The following TMEM117 variants were observed in gnomAD, a reference collection of about 807,000 sequenced individuals.
The protein encoded by TMEM117 is transmembrane protein 117.
TMEM117 carries 27 observed loss-of-function variants against 52.4 expected under a neutral mutation model. That is an observed-to-expected ratio of 0.51 (90% confidence interval 0.38 to 0.71). TMEM117 has a LOEUF of 0.71. Ranked by LOEUF, TMEM117 falls within the 30% of genes least tolerant of loss-of-function variation. TMEM117 has a pLI of 0.00. For synonymous variants in TMEM117, 215 were observed against 206.3 expected (o/e 1.04, Z -0.36); for missense variants, 556 against 630.5 (o/e 0.88, Z 1.26).
At chr12:43,882,817 G>A (rs148179266) in intron 2 of TMEM117, among the ~76,000 whole-genome samples, 143 of 152,300 alleles carry the variant, frequency 9.4e-4, no homozygotes, top group African/African-American at 3.2e-3. Flanking sequence ...TAGACTTTAA[G>A]ATTCTGGAAT....
chr12:44,097,214 A>C (rs1455148091), intron 3 of TMEM117, among the ~76,000 whole-genome samples: 1 of 152,184 alleles, frequency 6.6e-6, no homozygotes, highest in Non-Finnish European at 1.5e-5. Context: ...GTCAGGAAAC[A>C]ACAGGTGCTG....
At chr12:43,927,949 G>A (rs999821209) in intron 2 of TMEM117, among the ~76,000 whole-genome samples, 1 of 151,530 alleles carries the variant, frequency 6.6e-6, no homozygotes, top group Non-Finnish European at 1.5e-5. Context: ...TGTGTTTTCT[G>A]TTAGCACAGC....
At chr12:44,326,190 TTTTGTTTTTTGTTTTTTA>T in intron 6 of TMEM117, among the ~76,000 whole-genome samples, 1 of 151,216 alleles carries the variant, frequency 6.6e-6, no homozygotes, top group African/African-American at 2.5e-5. Context: ...TGTTTTTGTT[TTTTGTTTTTTGTTTTTTA>T]TTTAAAAAAA....
chr12:44,074,819 A>G (rs1947356164), intron 3 of TMEM117, among the ~76,000 whole-genome samples: 2 of 152,180 alleles, frequency 1.3e-5, no homozygotes, highest in East Asian at 3.8e-4. Flanking sequence ...CAACCTTTTC[A>G]TGAGAGGTGA....
intron 4 of TMEM117, 59 bp downstream of exon 4, chr12:44,143,683 T>TCTGTCCAACACTG: frequency 7.9e-7 from 1 of 1,264,506 alleles, no homozygotes; most frequent in Non-Finnish European, 1.1e-6. Context: ...GTTCACAGTG[T>TCTGTCCAACACTG]TGGACAGACA....
intron 3 of TMEM117, among the ~76,000 whole-genome samples, chr12:44,119,038 T>C (rs1051901002): frequency 1.3e-5 from 2 of 152,228 alleles, no homozygotes; most frequent in Non-Finnish European, 2.9e-5. Context: ...TAATTTTTTT[T>C]CAGAAGGCTG....
rs191785577 is a variant in TMEM117 at position 44,334,209 on chromosome 12, A to G, written c.768+34470A>G. Among the ~76,000 whole-genome samples, 3 of 152,180 alleles carry G rather than the reference A, an allele frequency of 2.0e-5. No individual in the cohort carries two copies. The East Asian group carries it at 5.8e-4, about 29-fold the overall frequency. On this transcript the variant is annotated intron_variant, in intron 6 of 7. Transcript: ENST00000266534. ...ATGATTTCAAATCCTATTCATGACA[A>G]AGACTGTCAAGACAAGTAATTATGA...
intron 2 of TMEM117, among the ~76,000 whole-genome samples, chr12:43,904,016 T>G (rs1944345151): frequency 6.6e-6 from 1 of 152,184 alleles, no homozygotes; most frequent in South Asian, 2.1e-4. Context: ...CACAGAGTAT[T>G]GTGTTATAAG....
chr12:44,122,721 A>G (rs752312167), intron 3 of TMEM117, among the ~76,000 whole-genome samples: 2 of 152,092 alleles, frequency 1.3e-5, no homozygotes, highest in African/African-American at 4.8e-5. Flanking sequence ...AGCTCCATCC[A>G]TGTCCCTGCA....
intron 3 of TMEM117, among the ~76,000 whole-genome samples, chr12:44,046,129 G>C (rs1404576271): frequency 6.6e-6 from 1 of 152,248 alleles, no homozygotes; most frequent in Admixed American, 6.5e-5. Context: ...AGTGGAAGTG[G>C]CACCACTCAC....
At chr12:43,980,929 A>G (rs995908359) in intron 3 of TMEM117, among the ~76,000 whole-genome samples, 4 of 152,214 alleles carry the variant, frequency 2.6e-5, no homozygotes, top group Non-Finnish European at 4.4e-5. Context: ...AGTAGAGAGC[A>G]GTCCTGAGTG....
chr12:44,214,138 ATTTTTTTTTTT>A (rs773352634), intron 5 of TMEM117, among the ~76,000 whole-genome samples: 4 of 99,222 alleles, frequency 4.0e-5, no homozygotes, highest in African/African-American at 6.4e-5. Context: ...TTTTTTTTTA[ATTTTTTTTTTT>A]TTTTTTTTTT....
chr12:44,386,939 TG>T (rs1383351875), intron 7 of TMEM117, among the ~76,000 whole-genome samples: 1 of 152,054 alleles, frequency 6.6e-6, no homozygotes, highest in Non-Finnish European at 1.5e-5. Flanking sequence ...CATAATCATA[TG>T]AAGCAGTAAC....
intron 5 of TMEM117, among the ~76,000 whole-genome samples, chr12:44,232,586 A>C (rs573163488): frequency 6.6e-6 from 1 of 151,548 alleles, no homozygotes; most frequent in East Asian, 1.9e-4. Flanking sequence ...TTTTAACTTT[A>C]AGAATTTTTC....
intron 1 of TMEM117, among the ~76,000 whole-genome samples, chr12:43,843,784 C>G (rs560125692): frequency 2.2e-4 from 34 of 152,350 alleles, no homozygotes; most frequent in African/African-American, 7.9e-4. Context: ...TGGGCTACTA[C>G]TCTACTGTAG....
At chr12:44,327,947 A>G (rs1951218379) in intron 6 of TMEM117, among the ~76,000 whole-genome samples, 1 of 152,180 alleles carries the variant, frequency 6.6e-6, no homozygotes, top group South Asian at 2.1e-4. Context: ...ACCACATTAC[A>G]TACTGTGACT....
chr12:44,079,128 G>A (rs1036545167), intron 3 of TMEM117, among the ~76,000 whole-genome samples: 1 of 152,042 alleles, frequency 6.6e-6, no homozygotes, highest in African/African-American at 2.4e-5. Context: ...GGACATTTGG[G>A]TTGGTTTCAA....
intron 3 of TMEM117, among the ~76,000 whole-genome samples, chr12:43,955,933 C>T (rs553137266): frequency 2.0e-4 from 31 of 151,964 alleles, no homozygotes; most frequent in South Asian, 4.1e-4. Flanking sequence ...GGTACTGGTA[C>T]GAAAATAGGC....
intron 4 of TMEM117, among the ~76,000 whole-genome samples, chr12:44,165,563 C>G (rs1467977714): frequency 6.6e-6 from 1 of 152,086 alleles, no homozygotes; most frequent in Non-Finnish European, 1.5e-5. Context: ...AAACTAAACA[C>G]TGACGGGAGT....
Sources: allele counts gnomAD v4.1 joint callset (sites outside exome capture counted in the v4.1 genomes callset), GRCh38; gene constraint gnomAD v4.1.1; transcripts MANE v1.5; gene names NCBI Gene and HGNC (gene_info 2026-07-23, HGNC 2026-07-21).